Variants in PIN1 observed in about 807,000 individuals in gnomAD.
The protein encoded by PIN1 is peptidylprolyl cis/trans isomerase, NIMA-interacting 1, also known as peptidyl-prolyl cis-trans isomerase NIMA-interacting 1.
A neutral mutation model predicts 19.9 loss-of-function variants in PIN1; 8 were observed. That is an observed-to-expected ratio of 0.40 (90% CI 0.24 to 0.72). PIN1 has a LOEUF of 0.72. Among genes scored for constraint, PIN1 ranks in the 30% least tolerant of loss-of-function variants. The pLI is 0.37. For synonymous variants in PIN1, 86 were observed against 90.8 expected (o/e 0.95, Z 0.30); for missense variants, 185 against 226.5 (o/e 0.82, Z 1.18).
At chr19:9,836,373 A>G (rs2046105212) in intron 1 of PIN1, 2 of 160,750 alleles carry the variant, frequency 1.2e-5, no homozygotes, top group South Asian at 1.7e-4. Flanking sequence ...ACTGAGGTGC[A>G]GGGAGATTAG....
At chr19:9,842,455 G>A (rs1357900694) in intron 2 of PIN1, among the ~76,000 whole-genome samples, 3 of 152,322 alleles carry the variant, frequency 2.0e-5, no homozygotes, top group Non-Finnish European at 2.9e-5. Context: ...TCTGCACGGT[G>A]GAGCCTCAGC....
At chr19:9,843,603 C>T (rs911866058) in intron 2 of PIN1, among the ~76,000 whole-genome samples, 1 of 152,250 alleles carries the variant, frequency 6.6e-6, no homozygotes, top group Non-Finnish European at 1.5e-5. Context: ...GGCCAGAAGT[C>T]CACAATCCAG....
chr19:9,840,113 G>T (rs1704863017), intron 2 of PIN1, among the ~76,000 whole-genome samples: 1 of 152,228 alleles, frequency 6.6e-6, no homozygotes, highest in African/African-American at 2.4e-5. Context: ...TCTTGGCCGG[G>T]CGCGGTGGCT....
In PIN1 at chr19:9,849,328, C is replaced by T. The variant is rs894590850; in HGVS notation, c.*129C>T. On this transcript the variant is annotated 3_prime_UTR_variant, in exon 4 of 4. Transcript: ENST00000247970. ...CGTCACACAGTATTTATTGTTCCCA[C>T]AATGGCTGGGAGGGGGCCCTTCCAG... 5.4e-6 allele frequency: 4 copies of T among 742,498 alleles called. No individual in the cohort carries two copies. Among genetic ancestry groups the T allele is most frequent in the Admixed American group, 2.0e-5 (1 of 50,086 alleles). The allele number at this position is 742,498 out of a possible 1,614,324, so 46.0% of individuals were successfully genotyped here. A position where few individuals can be genotyped will look rare whatever the true frequency, so the allele number is the denominator to read the frequency against.
chr19:9,835,587 G>A (rs963173603), intron 1 of PIN1, 185 bp downstream of exon 1: 5 of 526,806 alleles, frequency 9.5e-6, no homozygotes, highest in African/African-American at 8.0e-5. Context: ...GGAGCCGCCG[G>A]GAAGCCTGAG....
intron 2 of PIN1, among the ~76,000 whole-genome samples, chr19:9,845,994 G>C (rs572828291): frequency 6.6e-6 from 1 of 152,142 alleles, no homozygotes; most frequent in Non-Finnish European, 1.5e-5. Flanking sequence ...CCAGACAGAA[G>C]GGGGGACAGG....
chr19:9,844,725 G>A (rs1048229341), intron 2 of PIN1, among the ~76,000 whole-genome samples: 2 of 152,234 alleles, frequency 1.3e-5, no homozygotes, highest in African/African-American at 4.8e-5. Flanking sequence ...TGTCTTGGAG[G>A]AGGCCCAGGA....
intron 3 of PIN1, 135 bp downstream of exon 3, chr19:9,848,275 T>G (rs34336739): frequency 0.013 from 8,422 of 655,056 alleles, 80 homozygotes; most frequent in Middle Eastern, 0.021. Context: ...CACAGCCCCT[T>G]CCTCAGGCTT....
At position 9,846,494 on chromosome 19, in the gene PIN1, C is replaced by T. The variant is rs2046221401; in HGVS notation, c.272-1536C>T. 6.6e-6 allele frequency among the ~76,000 whole-genome samples: 1 copy of T among 152,128 alleles called. No individual in the cohort carries two copies. The highest frequency in any genetic ancestry group is 2.4e-5 in the African/African-American group (1 of 41,434). On this transcript the variant is annotated intron_variant, in intron 2 of 3. Transcript: ENST00000247970. The surrounding 1 kb of genome is among the most constrained non-coding windows in gnomAD (Gnocchi z 5.9). ...GTCGTGGTGACATCCAGCTCAGATA[C>T]CAGGACACTGGTGGCTGCCATGACG...
Position 9,838,795 on chromosome 19 carries a change from T to C in PIN1, c.271+147T>C. On this transcript the variant is annotated intron_variant, in intron 2 of 3. Coordinates refer to ENST00000247970, the MANE Select transcript of PIN1 (RefSeq NM_006221.4). This position sits in a 1 kb window ranked among gnomAD's most constrained non-coding sequence, Gnocchi z 5.8. The stretch of plus-strand genomic sequence containing the variant: ...AAAACGCCAGTGCATGACCTGACCC[T>C]GACCTTCACAGCAGCCATTCTCTTT... The C allele has an allele frequency of 6.3e-6, 4 of 636,022 alleles. No individual in the cohort carries two copies. In the South Asian group the frequency reaches 7.7e-5, roughly 12 times the overall value. The allele number at this position is 636,022 out of a possible 1,614,324, so 39.4% of individuals were successfully genotyped here. A position where few individuals can be genotyped will look rare whatever the true frequency, so the allele number is the denominator to read the frequency against.
At chr19:9,843,593 G>A (rs1277525520) in intron 2 of PIN1, among the ~76,000 whole-genome samples, 1 of 152,234 alleles carries the variant, frequency 6.6e-6, no homozygotes, top group Non-Finnish European at 1.5e-5. Flanking sequence ...CAGTTCTGGA[G>A]GCCAGAAGTC....
intron 2 of PIN1, among the ~76,000 whole-genome samples, chr19:9,845,928 C>T (rs1455356515): frequency 6.6e-6 from 1 of 152,106 alleles, no homozygotes; most frequent in African/African-American, 2.4e-5. Context: ...CCTGCTTCCC[C>T]GAAGTAGGTG....
At chr19:9,843,402 C>T (rs12978069) in intron 2 of PIN1, among the ~76,000 whole-genome samples, 6,008 of 152,372 alleles carry the variant, frequency 0.039, 162 homozygotes, top group Non-Finnish European at 0.059. Context: ...GGGAAGTATG[C>T]TGGAAGCAGC....
chr19:9,838,065 T>G lies in PIN1; in HGVS notation c.59-371T>G. ...TATCACATTTGAACCCAGATTCAGATTTGAATCCAGGTGGCCTGGCTGCTG... is the reference window on the plus strand; with the variant it reads ...TATCACATTTGAACCCAGATTCAGAGTTGAATCCAGGTGGCCTGGCTGCTG... On this transcript the variant is annotated intron_variant, in intron 1 of 3. Coordinates refer to ENST00000247970, the MANE Select transcript of PIN1 (RefSeq NM_006221.4). This position sits in a 1 kb window ranked among gnomAD's most constrained non-coding sequence, Gnocchi z 5.8. The G allele has an allele frequency of 5.7e-6, 2 of 348,446 alleles. No homozygotes were observed. The highest frequency in any genetic ancestry group is 6.9e-5 in the East Asian group (1 of 14,536). 21.6% of individuals were successfully genotyped at this position (348,446 alleles called of 1,614,324 possible). A position where few individuals can be genotyped will look rare whatever the true frequency, so the allele number is the denominator to read the frequency against.
intron 2 of PIN1, among the ~76,000 whole-genome samples, chr19:9,847,451 C>T (rs758106699): frequency 1.3e-5 from 2 of 152,202 alleles, no homozygotes; most frequent in African/African-American, 2.4e-5. Context: ...CTACAGCCCA[C>T]GAGTGTCCCT....
chr19:9,848,026 A>G lies in PIN1; in HGVS notation c.272-4A>G, dbSNP rs1293127215. ...GGCACTCCCATTCCGTTCCATGTCCACAGGCTACATCCAGAAGATCAAGTC... is the reference window on the plus strand; with the variant it reads ...GGCACTCCCATTCCGTTCCATGTCCGCAGGCTACATCCAGAAGATCAAGTC... On this transcript the variant is annotated splice_region_variant and splice_polypyrimidine_tract_variant and intron_variant, in intron 2 of 3. Transcript: ENST00000247970. 3 of 1,593,230 alleles carry G rather than the reference A, an allele frequency of 1.9e-6. No individual in the cohort carries two copies. Among genetic ancestry groups the G allele is most frequent in the Non-Finnish European group, 2.6e-6 (3 of 1,161,508 alleles).
chr19:9,843,975 G>A (rs986119002), intron 2 of PIN1, among the ~76,000 whole-genome samples: 8 of 152,136 alleles, frequency 5.3e-5, no homozygotes, highest in African/African-American at 1.7e-4. Flanking sequence ...GCTGGAACCT[G>A]GGAGGCAGAG....
At chr19:9,844,664 G>A (rs1377803256) in intron 2 of PIN1, among the ~76,000 whole-genome samples, 1 of 152,194 alleles carries the variant, frequency 6.6e-6, no homozygotes, top group East Asian at 1.9e-4. Context: ...GCACCCGACA[G>A]TCCCCATCAA....
chr19:9,836,581 T>A (rs2046108162), intron 1 of PIN1: 1 of 317,522 alleles, frequency 3.1e-6, no homozygotes, highest in Non-Finnish European at 6.3e-6. Flanking sequence ...TGGGTGACAC[T>A]CCATGTCACC....
Sources: gnomAD v4.1 joint callset for allele counts (sites outside exome capture counted in the v4.1 genomes callset) on GRCh38, gnomAD v4.1.1 for gene constraint, Gnocchi (gnomAD v3.1) non-coding constraint, MANE v1.5 for transcripts, NCBI Gene and HGNC (gene_info 2026-07-23, HGNC 2026-07-21) for gene names.